The following SLC8A3 variants were observed in gnomAD, a reference collection of about 807,000 sequenced individuals.
The protein encoded by SLC8A3 is solute carrier family 8 member A3, also known as sodium/calcium exchanger 3.
SLC8A3 carries 37 observed loss-of-function variants against 65.4 expected under a neutral mutation model. That is an observed-to-expected ratio of 0.57 (90% CI 0.44 to 0.74). The LOEUF is 0.74. Among genes scored for constraint, SLC8A3 ranks in the 30% least tolerant of loss-of-function variants. SLC8A3 has a pLI of 0.00. For missense variants in SLC8A3, 1,112 were observed against 1,172.1 expected, an observed-to-expected ratio of 0.95 and a Z score of 0.75; for synonymous variants, 461 against 444.5, an observed-to-expected ratio of 1.04 and a Z score of -0.47.
chr14:70,081,074 G>A (rs1259414999), intron 2 of SLC8A3, among the ~76,000 whole-genome samples: 2 of 152,152 alleles, frequency 1.3e-5, no homozygotes, highest in Middle Eastern at 3.2e-3. Context: ...TTTATGTGAA[G>A]ATGAAAGCCT....
At position 70,166,843 on chromosome 14, in the gene SLC8A3, T is replaced by C; in HGVS notation, c.1580A>G (p.Asp527Gly). ...CVATVTILDDDHAGIFTFECD... is the reference protein window; with the variant it reads ...CVATVTILDDGHAGIFTFECD... ...TTCAAAAGTGAAGATGCCTGCATGGTCATCATCCAAGATGGTAACTGTGGC... is the reference window on the plus strand; with the variant it reads ...TTCAAAAGTGAAGATGCCTGCATGGCCATCATCCAAGATGGTAACTGTGGC... Residue 527 changes from aspartate to glycine, a missense_variant, in exon 2 of 7, where the codon GAC (aspartate) becomes GGC (glycine). By Grantham distance (94) the Asp-to-Gly change is moderately conservative (BLOSUM62 -1). Transcript: ENST00000356921. The C allele has an allele frequency of 1.2e-6, 2 of 1,614,084 alleles. No homozygotes were observed. The highest frequency in any genetic ancestry group is 1.7e-6 in the Non-Finnish European group (2 of 1,179,952).
At chr14:70,156,374 G>A (rs1216969677) in intron 2 of SLC8A3, among the ~76,000 whole-genome samples, 1 of 152,172 alleles carries the variant, frequency 6.6e-6, no homozygotes, top group Non-Finnish European at 1.5e-5. Context: ...TCAGTGAAAT[G>A]GAGACTCCTA....
At chr14:70,054,174 C>T (rs1887817072) in intron 3 of SLC8A3, among the ~76,000 whole-genome samples, 1 of 151,466 alleles carries the variant, frequency 6.6e-6, no homozygotes, top group Admixed American at 6.6e-5. Flanking sequence ...AAGAGCTTGC[C>T]AGGCCAGACA....
chr14:70,117,432 A>G (rs573429018), intron 2 of SLC8A3, among the ~76,000 whole-genome samples: 122 of 152,322 alleles, frequency 8.0e-4, no homozygotes, highest in Non-Finnish European at 1.5e-3. Context: ...CTCCACAGGT[A>G]TGGAGCCTTA....
chr14:70,128,983 C>T (rs1040968190), intron 2 of SLC8A3, among the ~76,000 whole-genome samples: 1 of 152,154 alleles, frequency 6.6e-6, no homozygotes, highest in African/African-American at 2.4e-5. Context: ...AGCAGGTAGC[C>T]ACGTGTGAGA....
intron 2 of SLC8A3, among the ~76,000 whole-genome samples, chr14:70,089,663 T>A (rs1025106175): frequency 6.6e-6 from 1 of 152,192 alleles, no homozygotes; most frequent in Admixed American, 6.5e-5. Flanking sequence ...AAAGAAGGTA[T>A]CTTTGAATCC....
At chr14:70,117,043 CCT>C (rs1893717427) in intron 2 of SLC8A3, among the ~76,000 whole-genome samples, 1 of 152,214 alleles carries the variant, frequency 6.6e-6, no homozygotes, top group Admixed American at 6.5e-5. Flanking sequence ...TTAAAAATTA[CCT>C]GTGTTCTCCA....
chr14:70,139,305 C>G (rs1223707549), intron 2 of SLC8A3, among the ~76,000 whole-genome samples: 1 of 152,112 alleles, frequency 6.6e-6, no homozygotes, highest in African/African-American at 2.4e-5. Flanking sequence ...TGAAGGGGTG[C>G]CAGCAAAATT....
chr14:70,051,278 T>C (rs2139721570), intron 4 of SLC8A3, among the ~76,000 whole-genome samples, 171 bp from the exon 5 acceptor site: 1 of 152,294 alleles, frequency 6.6e-6, no homozygotes, highest in Middle Eastern at 3.4e-3. Flanking sequence ...TTCCCTTTGT[T>C]TTTGGTTGTA....
chr14:70,112,070 A>T (rs1893340299), intron 2 of SLC8A3, among the ~76,000 whole-genome samples: 1 of 152,230 alleles, frequency 6.6e-6, no homozygotes, highest in East Asian at 1.9e-4. Flanking sequence ...TCCAACTCAG[A>T]CCTCAAGCAG....
At chr14:70,103,289 A>G (rs2140114240) in intron 2 of SLC8A3, among the ~76,000 whole-genome samples, 1 of 152,242 alleles carries the variant, frequency 6.6e-6, no homozygotes. Context: ...TGAAATGCTA[A>G]TGGAAATGAC....
chr14:70,080,784 A>G lies in SLC8A3; in HGVS notation c.1785-19845T>C, dbSNP rs571057635. On this transcript the variant is annotated intron_variant, in intron 2 of 6. Transcript: ENST00000356921. ...ACACTCAGTGGATTTGAATGCCTAC[A>G]TGGTAGGCTCCAAGCTGATGTAAAA... 2.1e-4 allele frequency among the ~76,000 whole-genome samples: 32 copies of G among 152,316 alleles called. 1 individual carries two copies. The highest frequency in any genetic ancestry group is 7.5e-4 in the African/African-American group (31 of 41,578).
At chr14:70,184,961 CTTTTCTTTTTTTTTT>C (rs1566840907) in intron 1 of SLC8A3, among the ~76,000 whole-genome samples, 2 of 116,274 alleles carry the variant, frequency 1.7e-5, no homozygotes, top group Non-Finnish European at 3.5e-5. Context: ...TCTTTTTTTT[CTTTTCTTTTTTTTTT>C]TTTTTTTTGA....
chr14:70,112,253 A>C (rs1261694603), intron 2 of SLC8A3, among the ~76,000 whole-genome samples: 2 of 152,214 alleles, frequency 1.3e-5, no homozygotes, highest in Non-Finnish European at 2.9e-5. Flanking sequence ...CAAGAGTTAC[A>C]TGCCTTCCCT....
intron 2 of SLC8A3, among the ~76,000 whole-genome samples, chr14:70,078,993 T>C (rs1480391641): frequency 1.3e-5 from 2 of 152,184 alleles, no homozygotes; most frequent in African/African-American, 2.4e-5. Flanking sequence ...TTCACTGAAG[T>C]CATCAGGCAA....
At chr14:70,153,466 T>A (rs1273063125) in intron 2 of SLC8A3, among the ~76,000 whole-genome samples, 3 of 152,042 alleles carry the variant, frequency 2.0e-5, no homozygotes, top group Non-Finnish European at 4.4e-5. Context: ...GTTGTGCAAG[T>A]CACTTCTAAT....
intron 2 of SLC8A3, among the ~76,000 whole-genome samples, chr14:70,078,577 A>G (rs1424453988): frequency 6.6e-6 from 1 of 152,170 alleles, no homozygotes; most frequent in African/African-American, 2.4e-5. Flanking sequence ...TGCATAATTC[A>G]CAGGCACTTC....
intron 2 of SLC8A3, among the ~76,000 whole-genome samples, chr14:70,136,881 C>T (rs762857586): frequency 2.0e-5 from 3 of 152,188 alleles, no homozygotes; most frequent in South Asian, 2.1e-4. Context: ...GGCATTTTCA[C>T]GCATGAAAAT....
At chr14:70,124,342 C>T (rs756140187) in intron 2 of SLC8A3, among the ~76,000 whole-genome samples, 3 of 152,220 alleles carry the variant, frequency 2.0e-5, no homozygotes, top group Non-Finnish European at 2.9e-5. Context: ...TTCCCTCACT[C>T]AGTCGCCAAA....
Sources: allele counts gnomAD v4.1 joint callset (sites outside exome capture counted in the v4.1 genomes callset), GRCh38; gene constraint gnomAD v4.1.1; transcripts MANE v1.5; gene names NCBI Gene and HGNC (gene_info 2026-07-23, HGNC 2026-07-21).